Variants in PIP5K1B observed in about 807,000 individuals in gnomAD.
The protein encoded by PIP5K1B is phosphatidylinositol-4-phosphate 5-kinase type 1 beta, also known as phosphatidylinositol 4-phosphate 5-kinase type-1 beta.
Under a neutral mutation model 67.0 loss-of-function variants are expected in PIP5K1B, and 42 were observed. The observed-to-expected ratio is 0.63, with a 90% CI of 0.49 to 0.81. The LOEUF is 0.81. Ranked by LOEUF, PIP5K1B falls within the 30% of genes least tolerant of loss-of-function variation. The probability of loss-of-function intolerance (pLI) is 0.00; values close to 1 mark genes in which losing one functional copy is unlikely to be tolerated. For missense variants in PIP5K1B, 459 were observed against 646.3 expected, an observed-to-expected ratio of 0.71 and a Z score of 3.14; for synonymous variants, 214 against 231.4, an observed-to-expected ratio of 0.92 and a Z score of 0.68.
At chr9:68,735,045 A>G (rs922138538) in intron 1 of PIP5K1B, among the ~76,000 whole-genome samples, 1 of 152,252 alleles carries the variant, frequency 6.6e-6, no homozygotes, top group East Asian at 1.9e-4. Flanking sequence ...CCAACCATTA[A>G]GAAAGAATGA....
intron 4 of PIP5K1B, among the ~76,000 whole-genome samples, chr9:68,832,614 G>A (rs550685689): frequency 6.6e-6 from 1 of 152,316 alleles, no homozygotes; most frequent in African/African-American, 2.4e-5. Context: ...ATGGGCCGTG[G>A]GCTCTGTGGG....
At chr9:68,915,923 TTTC>T (rs1300313809) in intron 8 of PIP5K1B, among the ~76,000 whole-genome samples, 2 of 152,208 alleles carry the variant, frequency 1.3e-5, no homozygotes, top group African/African-American at 4.8e-5. Context: ...CACAAAGCCT[TTTC>T]TCAGGTGGCA....
chr9:68,895,677 T>C (rs1015861962), intron 8 of PIP5K1B, among the ~76,000 whole-genome samples: 1 of 152,066 alleles, frequency 6.6e-6, no homozygotes, highest in Admixed American at 6.5e-5. Context: ...GCTTGCATGA[T>C]TGTGCACAAA....
chr9:68,760,229 C>T (rs1484089744), intron 2 of PIP5K1B, among the ~76,000 whole-genome samples: 2 of 152,082 alleles, frequency 1.3e-5, no homozygotes, highest in Non-Finnish European at 2.9e-5. Flanking sequence ...ATTGCTTTAC[C>T]TAGTACTTCT....
At chr9:68,850,016 A>T (rs10781232) in intron 4 of PIP5K1B, among the ~76,000 whole-genome samples, 6 of 152,054 alleles carry the variant, frequency 3.9e-5, no homozygotes, top group Non-Finnish European at 7.4e-5. Context: ...CAGAATGACC[A>T]TGGCTTAAGC....
In PIP5K1B at chr9:68,917,753, C is replaced by G; in HGVS notation, c.977C>G (p.Pro326Arg). ...KSGDGIITEN[P>R]DTMGGIPAKS... ...GGAGATGGGATAATCACAGAGAACCCAGACACGTAAGTGCAGCCACACACC... is the reference window on the plus strand; with the variant it reads ...GGAGATGGGATAATCACAGAGAACCGAGACACGTAAGTGCAGCCACACACC... The change falls in exon 9 of 16, where the codon CCA (proline) becomes CGA (arginine). Residue 326 changes from proline (P) to arginine (R), a missense_variant. This residue lies in a region of PIP5K1B where 290 missense variants were observed against 474.4 expected (regional missense o/e 0.61). Transcript: ENST00000265382. 6.2e-7 allele frequency: 1 copy of G among 1,613,020 alleles called. No homozygotes were observed. The highest frequency in any genetic ancestry group is 8.5e-7 in the Non-Finnish European group (1 of 1,179,160).
At position 68,955,448 on chromosome 9, in the gene PIP5K1B, G is replaced by A. The variant is rs186607345; in HGVS notation, c.1502+14658G>A. On this transcript the variant is annotated intron_variant, in intron 14 of 15. Transcript: ENST00000265382. ...CCAGTTTGCTCTTGTCATTTGTCCC[G>A]TGTGTCATTCTGTGGTTAAGACAGA... 6.6e-5 allele frequency among the ~76,000 whole-genome samples: 10 copies of A among 152,350 alleles called. No homozygotes were observed. In the East Asian group the frequency reaches 9.6e-4, roughly 15 times the overall value.
chr9:68,857,775 GA>G (rs1822853232), intron 4 of PIP5K1B, among the ~76,000 whole-genome samples: 1 of 152,200 alleles, frequency 6.6e-6, no homozygotes, highest in Admixed American at 6.5e-5. Context: ...GCTGAGGTGG[GA>G]GGATGGCTTG....
intron 1 of PIP5K1B, among the ~76,000 whole-genome samples, chr9:68,713,912 T>G (rs1827512511): frequency 6.6e-6 from 1 of 152,144 alleles, no homozygotes; most frequent in South Asian, 2.1e-4. Flanking sequence ...ATTTCTTCAC[T>G]GAAGAGAAGG....
At chr9:68,917,857 G>C (rs1474158299) in intron 9 of PIP5K1B, 98 bp downstream of exon 9, 1 of 852,470 alleles carries the variant, frequency 1.2e-6, no homozygotes, top group Non-Finnish European at 1.9e-6. Context: ...TGGGACTCTA[G>C]GAATTAATTT....
chr9:68,898,864 TG>T (rs1412554999), intron 8 of PIP5K1B, among the ~76,000 whole-genome samples: 2 of 152,236 alleles, frequency 1.3e-5, no homozygotes, highest in Non-Finnish European at 2.9e-5. Context: ...GTAGCCTCTT[TG>T]CTGGTTTTCA....
intron 9 of PIP5K1B, among the ~76,000 whole-genome samples, chr9:68,918,675 C>T (rs796700272): frequency 2.6e-4 from 40 of 152,302 alleles, no homozygotes; most frequent in African/African-American, 8.4e-4. Flanking sequence ...TTTTCCAAGG[C>T]CATAAGTGCC....
At chr9:68,846,056 A>G (rs886462052) in intron 4 of PIP5K1B, among the ~76,000 whole-genome samples, 2 of 152,226 alleles carry the variant, frequency 1.3e-5, no homozygotes, top group African/African-American at 4.8e-5. Context: ...TGAGAAATAA[A>G]TGTTGCAAAT....
intron 15 of PIP5K1B, among the ~76,000 whole-genome samples, chr9:69,000,351 A>C (rs965243588): frequency 3.3e-5 from 5 of 152,186 alleles, no homozygotes; most frequent in African/African-American, 4.8e-5. Context: ...AAATATAATA[A>C]GATAAAAATA....
At chr9:68,740,228 G>A (rs1828939124) in intron 1 of PIP5K1B, among the ~76,000 whole-genome samples, 1 of 152,190 alleles carries the variant, frequency 6.6e-6, no homozygotes. Context: ...GGATCTTTTG[G>A]TAAGATTTAG....
chr9:68,859,902 T>C (rs1822974047), intron 4 of PIP5K1B, among the ~76,000 whole-genome samples: 1 of 152,196 alleles, frequency 6.6e-6, no homozygotes. Context: ...GCTTTTTTTC[T>C]ATTTTATTTT....
intron 14 of PIP5K1B, among the ~76,000 whole-genome samples, chr9:68,949,871 G>A (rs992285419): frequency 2.6e-5 from 4 of 152,208 alleles, no homozygotes; most frequent in Admixed American, 1.3e-4. Flanking sequence ...AGAGCTCGGC[G>A]TTTGCCTTAT....
chr9:68,914,185 A>T (rs1053502567), intron 8 of PIP5K1B, among the ~76,000 whole-genome samples: 65 of 152,216 alleles, frequency 4.3e-4, no homozygotes, highest in Non-Finnish European at 7.1e-4. Flanking sequence ...CATTTTTTTA[A>T]AAAAAACAAA....
chr9:68,963,682 C>T (rs532839944), intron 14 of PIP5K1B, among the ~76,000 whole-genome samples: 1 of 152,264 alleles, frequency 6.6e-6, no homozygotes, highest in South Asian at 2.1e-4. Context: ...CTAACACTTC[C>T]CCAGATCAGG....
Sources: gnomAD v4.1 joint callset for allele counts (sites outside exome capture counted in the v4.1 genomes callset) on GRCh38, gnomAD v4.1.1 for gene constraint, gnomAD v4.1.1 regional missense constraint, MANE v1.5 for transcripts, NCBI Gene and HGNC (gene_info 2026-07-23, HGNC 2026-07-21) for gene names.